Variants in YJU2 observed in about 807,000 individuals in gnomAD.
YJU2 encodes YJU2 splicing factor homolog.
A neutral mutation model predicts 39.6 loss-of-function variants in YJU2; 28 were observed. The observed-to-expected ratio is 0.71, with a 90% CI of 0.52 to 0.97. YJU2 has a LOEUF of 0.97. Ranked by LOEUF, YJU2 falls within the 50% of genes least tolerant of loss-of-function variation. YJU2 has a pLI of 0.00. For missense variants in YJU2, 328 were observed against 430.4 expected, an observed-to-expected ratio of 0.76 and a Z score of 2.11; for synonymous variants, 184 against 182.4, an observed-to-expected ratio of 1.01 and a Z score of -0.07.
intron 5 of YJU2, among the ~76,000 whole-genome samples, chr19:4,259,083 T>C (rs1387010990): frequency 3.0e-5 from 4 of 131,318 alleles, no homozygotes; most frequent in Non-Finnish European, 6.6e-5. Flanking sequence ...TTTTTTTTTT[T>C]TTTTTTTTTT....
chr19:4,265,299 G>A (rs1053089872), intron 6 of YJU2, among the ~76,000 whole-genome samples: 1 of 152,100 alleles, frequency 6.6e-6, no homozygotes, highest in Non-Finnish European at 1.5e-5. Context: ...CCAGGCTGGA[G>A]TGCAGTGACG....
chr19:4,260,854 G>A (rs567723976), intron 5 of YJU2, among the ~76,000 whole-genome samples: 1 of 152,258 alleles, frequency 6.6e-6, no homozygotes, highest in Admixed American at 6.5e-5. Context: ...CTCACTGTGT[G>A]GGGAGGGAGA....
At chr19:4,252,515 A>G (rs958966429) in intron 3 of YJU2, among the ~76,000 whole-genome samples, 2 of 152,014 alleles carry the variant, frequency 1.3e-5, no homozygotes, top group African/African-American at 4.8e-5. Flanking sequence ...GAGACAAGAG[A>G]ATGGCGTGAA....
Position 4,262,093 on chromosome 19 carries a change from C to A in YJU2, c.687C>A (p.Asn229Lys), listed in dbSNP as rs1971075682. The A allele has an allele frequency of 3.1e-6, 5 of 1,610,884 alleles. No homozygotes were observed. Among genetic ancestry groups the A allele is most frequent in the Non-Finnish European group, 4.2e-6 (5 of 1,179,814 alleles). The change falls in exon 6 of 8, where the codon AAC (asparagine) becomes AAA (lysine). Residue 229 changes from asparagine (N) to lysine (K), a missense_variant. Transcript: ENST00000262962. ...PSPLQPALRPNPTAILDEAPK... is the reference protein window; with the variant it reads ...PSPLQPALRPKPTAILDEAPK... ...CCCTGCAGCCAGCCCTTCGGCCCAA[C>A]CCCACCGCCATCCTGGATGAGGTAA...
chr19:4,263,140 A>C (rs1971086378), intron 6 of YJU2, among the ~76,000 whole-genome samples: 1 of 151,972 alleles, frequency 6.6e-6, no homozygotes, highest in Non-Finnish European at 1.5e-5. Flanking sequence ...GTAATTCGCC[A>C]ACCCCTGTTT....
Position 4,251,271 on chromosome 19 carries a change from A to G in YJU2, c.270+100A>G, listed in dbSNP as rs1568360577. On this transcript the variant is annotated intron_variant, in intron 3 of 7. Coordinates refer to ENST00000262962, the MANE Select transcript of YJU2 (RefSeq NM_018074.6). ...TAACTCCAATCCTCTCCATCCAGGG[A>G]ATCTCATTTCAGTTTATCCCCAAGA... The G allele has an allele frequency of 6.0e-6, 7 of 1,167,464 alleles. 1 individual carries two copies. The South Asian group carries it at 9.7e-5, about 16-fold the overall frequency. 72.3% of individuals were successfully genotyped at this position (1,167,464 alleles called of 1,614,324 possible).
At chr19:4,261,946 C>G (rs2144697345) in intron 5 of YJU2, 48 bp from the exon 6 acceptor site, 1 of 1,597,688 alleles carries the variant, frequency 6.3e-7, no homozygotes, top group South Asian at 1.1e-5. Context: ...ATCCCAGGCA[C>G]TGTTCCCCAA....
rs1456169975 is a variant in YJU2 at position 4,254,457 on chromosome 19, C to T, written c.373C>T (p.Arg125Trp). The T allele has an allele frequency of 2.5e-6, 4 of 1,610,226 alleles. No homozygotes were observed. Among genetic ancestry groups the T allele is most frequent in the Non-Finnish European group, 3.4e-6 (4 of 1,178,224 alleles). ...EEEEKRVQKE[R>W]EDEELNNPMK... Reference sequence around the variant, plus strand: ...GGAGGAGAAGAGGGTGCAGAAGGAGCGGGAGGACGAGGAGCTGAACAACCC... The same window carrying T: ...GGAGGAGAAGAGGGTGCAGAAGGAGTGGGAGGACGAGGAGCTGAACAACCC... Residue 125 changes from arginine to tryptophan, a missense_variant, in exon 4 of 8, where the codon CGG becomes TGG. Arg to Trp is a moderately radical substitution (Grantham distance 101, BLOSUM62 -3). Around this residue, in one of 2 missense-constraint regions of YJU2, gnomAD observed 84 missense variants for 165.8 expected, o/e 0.51. Coordinates refer to ENST00000262962, the MANE Select transcript of YJU2 (RefSeq NM_018074.6).
rs1970938463 is a variant in YJU2 at position 4,247,633 on chromosome 19, GTGTGTGTGTGTGTGTGTGTGTGT to G, written c.24+464_24+486del. On this transcript the variant is annotated intron_variant, in intron 1 of 7. Coordinates refer to ENST00000262962, the MANE Select transcript of YJU2 (RefSeq NM_018074.6). ...TGTGTGTGTGTGTGTGTGTGTGTGT[GTGTGTGTGTGTGTGTGTGTGTGT>G]GTGTGTGTGTGTGTGTGTGTGTGTG... Among the ~76,000 whole-genome samples the G allele has an allele frequency of 4.2e-4, 27 of 64,320 alleles. 2 individuals carry two copies. The highest frequency in any genetic ancestry group is 1.6e-3 in the South Asian group (2 of 1,228). 42.2% of individuals were successfully genotyped at this position (64,320 alleles called of 152,430 possible). A position where few individuals can be genotyped will look rare whatever the true frequency, so the allele number is the denominator to read the frequency against.
intron 5 of YJU2, among the ~76,000 whole-genome samples, chr19:4,260,577 A>G (rs997382773): frequency 6.6e-6 from 1 of 152,186 alleles, no homozygotes; most frequent in Non-Finnish European, 1.5e-5. Flanking sequence ...TCTCTACTAA[A>G]ACTACAGAAA....
intron 4 of YJU2, among the ~76,000 whole-genome samples, chr19:4,256,907 C>T (rs575151979): frequency 2.6e-5 from 4 of 152,172 alleles, no homozygotes; most frequent in East Asian, 1.9e-4. Context: ...TCAGAAGTTA[C>T]GTGCCATTAT....
intron 6 of YJU2, among the ~76,000 whole-genome samples, chr19:4,264,509 A>C: frequency 7.0e-6 from 1 of 143,244 alleles, no homozygotes; most frequent in African/African-American, 2.6e-5. Context: ...TTTTTTTTAG[A>C]CAGTTTCACT....
intron 6 of YJU2, among the ~76,000 whole-genome samples, chr19:4,264,161 C>T (rs1198696199): frequency 1.4e-5 from 2 of 141,156 alleles, no homozygotes; most frequent in Non-Finnish European, 3.0e-5. Context: ...ACTCAGGAGG[C>T]TGAGACAGGA....
At chr19:4,252,374 G>A (rs1436207977) in intron 3 of YJU2, among the ~76,000 whole-genome samples, 3 of 151,848 alleles carry the variant, frequency 2.0e-5, no homozygotes, top group Admixed American at 6.6e-5. Flanking sequence ...TGAGGCAGGC[G>A]GATCATGAGG....
chr19:4,264,854 C>G (rs181170476), intron 6 of YJU2, among the ~76,000 whole-genome samples: 4 of 152,234 alleles, frequency 2.6e-5, no homozygotes, highest in African/African-American at 9.6e-5. Context: ...TCTCACGCAC[C>G]TGGCCTCAAG....
chr19:4,258,239 C>T lies in YJU2; in HGVS notation c.406-3C>T. The stretch of plus-strand genomic sequence containing the variant: ...CTCAGCCCCGCCGCCCCGCGCCCGC[C>T]AGGTGCTGGAGAACCGGACCAAGGA... On this transcript the variant is annotated splice_region_variant and splice_polypyrimidine_tract_variant and intron_variant, in intron 4 of 7. Coordinates refer to ENST00000262962, the MANE Select transcript of YJU2 (RefSeq NM_018074.6). 6.4e-7 allele frequency: 1 copy of T among 1,551,696 alleles called. No individual in the cohort carries two copies. Among genetic ancestry groups the T allele is most frequent in the Non-Finnish European group, 8.7e-7 (1 of 1,147,134 alleles).
rs1345355217 is a variant in YJU2, at chr19:4,258,099, C to G, written c.406-143C>G. ...CCTGTGAAATGGACACAGCGCTGGGCATGGGCAGGGGGTTCCCTGAGCAGG... is the reference window on the plus strand; with the variant it reads ...CCTGTGAAATGGACACAGCGCTGGGGATGGGCAGGGGGTTCCCTGAGCAGG... On this transcript the variant is annotated intron_variant, in intron 4 of 7. Transcript: ENST00000262962. The G allele has an allele frequency of 7.4e-6, 9 of 1,217,234 alleles. No homozygotes were observed. In the African/African-American group the frequency reaches 1.4e-4, roughly 19 times the overall value. 75.4% of individuals were successfully genotyped at this position (1,217,234 alleles called of 1,614,324 possible). A position where few individuals can be genotyped will look rare whatever the true frequency, so the allele number is the denominator to read the frequency against.
intron 4 of YJU2, among the ~76,000 whole-genome samples, chr19:4,257,860 C>G (rs1190369131): frequency 6.6e-6 from 1 of 152,180 alleles, no homozygotes; most frequent in Non-Finnish European, 1.5e-5. Flanking sequence ...GCTCCGGCCT[C>G]CCAAAATGCT....
In YJU2 at chr19:4,258,186, G is replaced by T. The variant is rs371656396; in HGVS notation, c.406-56G>T. The T allele has an allele frequency of 8.3e-4, 1,267 of 1,534,166 alleles. 10 individuals are homozygous for T. The African/African-American group carries it at 0.015, about 18-fold the overall frequency. ...GCAGTGGCCCCCGAGGCCAGACAGG[G>T]TTTGCCCCGTGGTGCGATCCCCATG... On this transcript the variant is annotated intron_variant, in intron 4 of 7. Transcript: ENST00000262962.
Sources: gnomAD v4.1 joint callset for allele counts (sites outside exome capture counted in the v4.1 genomes callset) on GRCh38, gnomAD v4.1.1 for gene constraint, gnomAD v4.1.1 regional missense constraint, MANE v1.5 for transcripts, NCBI Gene and HGNC (gene_info 2026-07-23, HGNC 2026-07-21) for gene names.